RORA: variants seen among roughly 807,000 people sequenced by gnomAD.
RORA encodes nuclear receptor ROR-alpha.
RORA carries 7 observed loss-of-function variants against 69.5 expected under a neutral mutation model. The ratio of observed to expected loss-of-function variants is 0.10; its 90% CI spans 0.06 to 0.19. The LOEUF (loss-of-function observed/expected upper bound fraction) is 0.19. Among genes scored for constraint, RORA ranks in the 10% least tolerant of loss-of-function variants. RORA has a pLI of 1.00. For missense variants in RORA, 457 were observed against 663.0 expected, an observed-to-expected ratio of 0.69 and a Z score of 3.41; for synonymous variants, 261 against 240.8, an observed-to-expected ratio of 1.08 and a Z score of -0.78.
rs555319324 is a variant in RORA, at chr15:61,197,901, G to T, written c.166+31152C>A. ...GCTGAAGGGAAGATCCCTCCCAGGGGGTTCAAGGGAGGCTGGAGAGTGGTA... is the reference window on the plus strand; with the variant it reads ...GCTGAAGGGAAGATCCCTCCCAGGGTGTTCAAGGGAGGCTGGAGAGTGGTA... On this transcript the variant is annotated intron_variant, in intron 1 of 10. Coordinates refer to ENST00000335670, the MANE Select transcript of RORA (RefSeq NM_134261.3). Among the ~76,000 whole-genome samples the T allele has an allele frequency of 5.9e-5, 9 of 152,260 alleles. No individual in the cohort carries two copies. The East Asian group carries it at 1.6e-3, about 26-fold the overall frequency.
intron 1 of RORA, among the ~76,000 whole-genome samples, chr15:60,857,732 C>G (rs914614768): frequency 6.6e-6 from 1 of 152,194 alleles, no homozygotes; most frequent in African/African-American, 2.4e-5. Context: ...CAGTAAAACT[C>G]ACTTGGAGTT....
chr15:60,868,751 C>G (rs890646185), intron 1 of RORA, among the ~76,000 whole-genome samples: 2 of 152,150 alleles, frequency 1.3e-5, no homozygotes, highest in Non-Finnish European at 2.9e-5. Context: ...TCCCTTCTTT[C>G]ATGTGTAAAT....
chr15:61,178,961 C>A (rs1446386396), intron 1 of RORA, among the ~76,000 whole-genome samples: 1 of 152,176 alleles, frequency 6.6e-6, no homozygotes, highest in African/African-American at 2.4e-5. Flanking sequence ...CATACTTTTT[C>A]CTTTGGTACA....
intron 1 of RORA, among the ~76,000 whole-genome samples, chr15:61,166,341 C>A (rs1238546983): frequency 6.6e-6 from 1 of 152,036 alleles, no homozygotes; most frequent in Non-Finnish European, 1.5e-5. Flanking sequence ...TCTTGGAATA[C>A]CAGAATAATT....
chr15:60,622,041 T>G (rs2069424078), intron 2 of RORA, among the ~76,000 whole-genome samples: 1 of 151,574 alleles, frequency 6.6e-6, no homozygotes, highest in African/African-American at 2.4e-5. Flanking sequence ...GGAGTGAAAC[T>G]GTGACTCAAA....
In RORA at chr15:60,495,640, T is replaced by G. The variant is rs2065148794; in HGVS notation, c.*1815A>C. Reference sequence around the variant, plus strand: ...CCCCAATGGCAGAGGAGACTATTTCTCAGACATAAAGGGCTGCATGGAAAC... The same window carrying G: ...CCCCAATGGCAGAGGAGACTATTTCGCAGACATAAAGGGCTGCATGGAAAC... On this transcript the variant is annotated 3_prime_UTR_variant, in exon 11 of 11. Transcript: ENST00000335670. 1 of 152,182 alleles carries G rather than the reference T, an allele frequency of 6.6e-6. No individual in the cohort carries two copies. Among genetic ancestry groups the G allele is most frequent in the South Asian group, 2.1e-4 (1 of 4,822 alleles). 9.4% of individuals were successfully genotyped at this position (152,182 alleles called of 1,614,324 possible).
At chr15:61,148,219 G>A (rs918986815) in intron 1 of RORA, among the ~76,000 whole-genome samples, 1 of 152,192 alleles carries the variant, frequency 6.6e-6, no homozygotes, top group African/African-American at 2.4e-5. Context: ...GGAGATGCTG[G>A]TCTCAGAGTG....
At chr15:61,010,701 G>A (rs1339539938) in intron 1 of RORA, among the ~76,000 whole-genome samples, 1 of 152,094 alleles carries the variant, frequency 6.6e-6, no homozygotes, top group Non-Finnish European at 1.5e-5. Context: ...CCTCTGAAAT[G>A]GAAATAAAAA....
At chr15:60,532,245 G>A (rs1377647153) in intron 2 of RORA, among the ~76,000 whole-genome samples, 1 of 152,132 alleles carries the variant, frequency 6.6e-6, no homozygotes, top group Non-Finnish European at 1.5e-5. Flanking sequence ...GAGCATTACA[G>A]CTTGACTGCT....
chr15:60,984,611 C>T (rs1894142725), intron 1 of RORA, among the ~76,000 whole-genome samples: 1 of 152,052 alleles, frequency 6.6e-6, no homozygotes, highest in African/African-American at 2.4e-5. Context: ...ACCAGTGCTA[C>T]TCAAAGTTCA....
chr15:60,698,921 C>A (rs1285469990), intron 1 of RORA, among the ~76,000 whole-genome samples: 2 of 152,006 alleles, frequency 1.3e-5, no homozygotes, highest in Admixed American at 1.3e-4. Context: ...TGTATTTCCT[C>A]TTTTGTTAAT....
At position 60,782,202 on chromosome 15, in the gene RORA, C is replaced by T. The variant is rs1200163387; in HGVS notation, c.167-103516G>A. On this transcript the variant is annotated intron_variant, in intron 1 of 10. Transcript: ENST00000335670. ...ATCGCGCCACTGCACTCCAGACTGG[C>T]GACAGAGTGAGACTCCAACTCAGCA... 4.0e-5 allele frequency among the ~76,000 whole-genome samples: 6 copies of T among 151,860 alleles called. No individual in the cohort carries two copies. In the East Asian group the frequency reaches 1.2e-3, roughly 30 times the overall value.
intron 1 of RORA, among the ~76,000 whole-genome samples, chr15:60,804,622 G>A (rs935198357): frequency 6.6e-6 from 1 of 152,086 alleles, no homozygotes; most frequent in African/African-American, 2.4e-5. Context: ...AAGCTCCATT[G>A]GTAATTAAGA....
At chr15:61,224,364 C>T (rs1170108967) in intron 1 of RORA, among the ~76,000 whole-genome samples, 1 of 152,182 alleles carries the variant, frequency 6.6e-6, no homozygotes, top group Admixed American at 6.5e-5. Context: ...ACATGGCAAT[C>T]ACATTACAGC....
At chr15:60,554,923 T>C (rs1301083316) in intron 2 of RORA, among the ~76,000 whole-genome samples, 1 of 152,114 alleles carries the variant, frequency 6.6e-6, no homozygotes, top group South Asian at 2.1e-4. Flanking sequence ...TAATGTACCA[T>C]AGGATAAAAT....
chr15:61,219,394 G>A (rs2080072667), intron 1 of RORA, among the ~76,000 whole-genome samples: 2 of 152,166 alleles, frequency 1.3e-5, no homozygotes, highest in Non-Finnish European at 2.9e-5. Context: ...CGAACACGGT[G>A]AAACCCTGTC....
chr15:60,948,918 A>C (rs1675177572), intron 1 of RORA, among the ~76,000 whole-genome samples: 1 of 152,242 alleles, frequency 6.6e-6, no homozygotes. Flanking sequence ...GGAAGCTGGA[A>C]TTGTCAAGGA....
chr15:60,837,861 T>C (rs747628834), intron 1 of RORA, among the ~76,000 whole-genome samples: 1 of 152,196 alleles, frequency 6.6e-6, no homozygotes, highest in Non-Finnish European at 1.5e-5. Flanking sequence ...TTGTCCGCTT[T>C]GCATGCAGGC....
At chr15:61,141,989 G>A (rs934121820) in intron 1 of RORA, among the ~76,000 whole-genome samples, 1 of 152,120 alleles carries the variant, frequency 6.6e-6, no homozygotes, top group Non-Finnish European at 1.5e-5. Context: ...AGGGACAGGA[G>A]GGTAAATATG....
Sources: gnomAD v4.1 joint callset for allele counts (sites outside exome capture counted in the v4.1 genomes callset) on GRCh38, gnomAD v4.1.1 for gene constraint, MANE v1.5 for transcripts, NCBI Gene and HGNC (gene_info 2026-07-23, HGNC 2026-07-21) for gene names.